Variants in P2RY12 observed in about 807,000 individuals in gnomAD.
P2RY12 encodes purinergic receptor P2Y12.
Under a neutral mutation model 4.5 loss-of-function variants are expected in P2RY12, and 3 were observed. That is an observed-to-expected ratio of 0.67 (90% CI 0.31 to 1.74). The LOEUF (loss-of-function observed/expected upper bound fraction) is 1.74, where lower values mean the gene tolerates loss of function less well. Among genes scored for constraint, P2RY12 ranks in the 40% most tolerant of loss-of-function variants. The pLI, the probability that P2RY12 is intolerant of heterozygous loss-of-function variation, is 0.09. For missense variants in P2RY12, 356 were observed against 407.8 expected, an observed-to-expected ratio of 0.87 and a Z score of 1.09; for synonymous variants, 148 against 154.1, an observed-to-expected ratio of 0.96 and a Z score of 0.29.
chr3:151,348,515 G>A (rs1464198225), intron 1 of P2RY12, among the ~76,000 whole-genome samples: 2 of 151,814 alleles, frequency 1.3e-5, no homozygotes, highest in Non-Finnish European at 2.9e-5. Flanking sequence ...GAAAATTTGG[G>A]AGAGGTACTC....
At chr3:151,381,925 C>T (rs568084417) in intron 1 of P2RY12, among the ~76,000 whole-genome samples, 71 of 152,286 alleles carry the variant, frequency 4.7e-4, no homozygotes, top group Non-Finnish European at 8.2e-4. Context: ...TAAGATGACT[C>T]TCATTAATGA....
At chr3:151,381,525 A>C (rs968426176) in intron 1 of P2RY12, among the ~76,000 whole-genome samples, 9 of 152,114 alleles carry the variant, frequency 5.9e-5, no homozygotes, top group Non-Finnish European at 5.9e-5. Flanking sequence ...TTCTCATTTC[A>C]GTGCCTGTGC....
Position 151,365,223 on chromosome 3 carries a change from T to A in P2RY12, c.-180+19469A>T, listed in dbSNP as rs538412602. The A allele has an allele frequency of 5.7e-6, 9 of 1,592,504 alleles. No homozygotes were observed. In the South Asian group the frequency reaches 8.8e-5, roughly 16 times the overall value. On this transcript the variant is annotated intron_variant, in intron 1 of 2. Transcript: ENST00000302632. ...TGCTGGCAGGTGAGATGGGTTACCCTGGAATTCATGATTAACCAAAGAGTT... is the reference window on the plus strand; with the variant it reads ...TGCTGGCAGGTGAGATGGGTTACCCAGGAATTCATGATTAACCAAAGAGTT...
chr3:151,339,336 A>G (rs1237320356), intron 2 of P2RY12, among the ~76,000 whole-genome samples: 1 of 151,976 alleles, frequency 6.6e-6, no homozygotes, highest in Non-Finnish European at 1.5e-5. Flanking sequence ...GAAATGATGG[A>G]TAATTGCCTG....
At chr3:151,348,748 A>C (rs1010578387) in intron 1 of P2RY12, among the ~76,000 whole-genome samples, 1 of 152,212 alleles carries the variant, frequency 6.6e-6, no homozygotes, top group African/African-American at 2.4e-5. Flanking sequence ...AGACAGACCG[A>C]CACAAAGACT....
chr3:151,365,708 T>G (rs769399355), intron 1 of P2RY12: 1 of 728,400 alleles, frequency 1.4e-6, no homozygotes. Context: ...TACTAAGTTA[T>G]TTGACAAATG....
intron 1 of P2RY12, among the ~76,000 whole-genome samples, chr3:151,349,659 T>C (rs1450306052): frequency 6.6e-6 from 1 of 152,174 alleles, no homozygotes; most frequent in Non-Finnish European, 1.5e-5. Flanking sequence ...TTACTATTGC[T>C]ATATATAAAA....
At chr3:151,373,546 G>A (rs1756437154) in intron 1 of P2RY12, among the ~76,000 whole-genome samples, 1 of 148,512 alleles carries the variant, frequency 6.7e-6, no homozygotes, top group Non-Finnish European at 1.5e-5. Context: ...TACTATGATG[G>A]TTGCAAAATG....
intron 1 of P2RY12, among the ~76,000 whole-genome samples, chr3:151,363,031 C>A (rs148859096): frequency 6.6e-6 from 1 of 152,066 alleles, no homozygotes; most frequent in East Asian, 1.9e-4. Context: ...GCCTATTTGA[C>A]CCTTAATACT....
At chr3:151,347,292 A>G (rs1477277893) in intron 1 of P2RY12, among the ~76,000 whole-genome samples, 1 of 152,178 alleles carries the variant, frequency 6.6e-6, no homozygotes, top group East Asian at 1.9e-4. Flanking sequence ...TTTGTTCATT[A>G]GTCTGCTTAT....
intron 1 of P2RY12, among the ~76,000 whole-genome samples, chr3:151,361,581 T>C (rs1754620359): frequency 1.3e-5 from 2 of 152,196 alleles, no homozygotes; most frequent in African/African-American, 4.8e-5. Context: ...TATTTTATTG[T>C]TTAATGAGTC....
At chr3:151,374,810 A>C (rs965517947) in intron 1 of P2RY12, among the ~76,000 whole-genome samples, 34 of 152,134 alleles carry the variant, frequency 2.2e-4, no homozygotes, top group African/African-American at 8.2e-4. Flanking sequence ...TTCAAAAGTG[A>C]AACTATACAA....
intron 1 of P2RY12, chr3:151,357,121 A>G: frequency 1.9e-6 from 2 of 1,062,490 alleles, no homozygotes; most frequent in Non-Finnish European, 2.6e-6. Context: ...TTGTAGTGTA[A>G]TGACTCAGTA....
intron 1 of P2RY12, among the ~76,000 whole-genome samples, chr3:151,346,609 G>A (rs1752575895): frequency 6.6e-6 from 1 of 152,094 alleles, no homozygotes; most frequent in Non-Finnish European, 1.5e-5. Flanking sequence ...TCTTTCTTAT[G>A]TATCCCCTCC....
chr3:151,353,629 TGTTGAAAGAGAA>T (rs1054960358), intron 1 of P2RY12, among the ~76,000 whole-genome samples: 2 of 152,244 alleles, frequency 1.3e-5, no homozygotes, highest in African/African-American at 4.8e-5. Context: ...AATTGCTTAT[TGTTGAAAGAGAA>T]GTCTCTTTTA....
At chr3:151,375,213 G>A (rs1408861295) in intron 1 of P2RY12, among the ~76,000 whole-genome samples, 1 of 152,108 alleles carries the variant, frequency 6.6e-6, no homozygotes, top group Non-Finnish European at 1.5e-5. Context: ...GTGGGCCCTG[G>A]GCATGGAATT....
chr3:151,343,057 C>T (rs1752072371), intron 1 of P2RY12, among the ~76,000 whole-genome samples: 1 of 152,044 alleles, frequency 6.6e-6, no homozygotes, highest in Non-Finnish European at 1.5e-5. Flanking sequence ...AGAATCTTTC[C>T]CTATCACACC....
intron 1 of P2RY12, chr3:151,369,693 T>C (rs1755945546): frequency 1.9e-6 from 1 of 535,074 alleles, no homozygotes; most frequent in Non-Finnish European, 3.3e-6. Flanking sequence ...TAGTGGTTTC[T>C]CCTAGACCAA....
At position 151,360,636 on chromosome 3, in the gene P2RY12, T is replaced by C. The variant is rs551904594; in HGVS notation, c.-179-19876A>G. 38 of 1,593,712 alleles carry C rather than the reference T, an allele frequency of 2.4e-5. No individual in the cohort carries two copies. In the South Asian group the frequency reaches 4.1e-4, roughly 17 times the overall value. On this transcript the variant is annotated intron_variant, in intron 1 of 2. Coordinates refer to ENST00000302632, the MANE Select transcript of P2RY12 (RefSeq NM_022788.5). ...TAGAAGAGACTCAAAAGGACAGAAA[T>C]AGGATCATGCCTATGTTTGTTAGTG...
Sources: gnomAD v4.1 joint callset for allele counts (sites outside exome capture counted in the v4.1 genomes callset) on GRCh38, gnomAD v4.1.1 for gene constraint, MANE v1.5 for transcripts, NCBI Gene and HGNC (gene_info 2026-07-23, HGNC 2026-07-21) for gene names.